MACROH2A1: variants seen among roughly 807,000 people sequenced by gnomAD.
The protein encoded by MACROH2A1 is core histone macro-H2A.1.
In MACROH2A1, 2 loss-of-function variants were observed where a neutral mutation model predicts 31.6. The observed-to-expected ratio is 0.06, with a 90% CI of 0.03 to 0.20. MACROH2A1 has a LOEUF of 0.20. Among genes scored for constraint, MACROH2A1 ranks in the 10% least tolerant of loss-of-function variants. The pLI, the probability that MACROH2A1 is intolerant of heterozygous loss-of-function variation, is 1.00. For synonymous variants in MACROH2A1, 169 were observed against 189.6 expected (o/e 0.89, Z 0.89); for missense variants, 230 against 474.0 (o/e 0.49, Z 4.78).
intron 1 of MACROH2A1, among the ~76,000 whole-genome samples, chr5:135,393,239 A>C (rs180928395): frequency 6.6e-6 from 1 of 152,244 alleles, no homozygotes; most frequent in African/African-American, 2.4e-5. Flanking sequence ...ACCATGGATA[A>C]TAACCTATGA....
At chr5:135,360,371 G>T in intron 5 of MACROH2A1, 126 bp downstream of exon 5, 1 of 671,840 alleles carries the variant, frequency 1.5e-6, no homozygotes, top group Non-Finnish European at 2.6e-6. Context: ...AAAGCTCACA[G>T]CCCACTCTGT....
chr5:135,343,315 G>T lies in MACROH2A1; in HGVS notation c.898C>A (p.Leu300Met), dbSNP rs1206169668. The change falls in exon 8 of 9, where the codon CTG (leucine) becomes ATG (methionine). Residue 300 changes from leucine to methionine, a missense_variant. By Grantham distance (15) the Leu-to-Met change is conservative. This residue lies in a region of MACROH2A1 where 183 missense variants were observed against 319.3 expected (regional missense o/e 0.57). Coordinates refer to ENST00000511689, the MANE Select transcript of MACROH2A1 (RefSeq NM_138610.3). ...LEKTVKNCLA[L>M]ADDKKLKSIA... is the part of the protein sequence containing the mutation. ...GATTTCAGCTTCTTATCATCAGCCA[G>T]GGCCAAGCAGTTTTTCACTGTCTTT... 6.2e-7 allele frequency: 1 copy of T among 1,614,174 alleles called. No individual in the cohort carries two copies. The highest frequency in any genetic ancestry group is 1.3e-5 in the African/African-American group (1 of 75,042).
rs368267936 is a variant in MACROH2A1, at chr5:135,334,912, A to AT, written c.*63dup. ...CCACCTCCCAGTAGGAGTGAAGGGG[A>AT]TTTTTTTTTTCTTTTAAACTGAAGG... On this transcript the variant is annotated 3_prime_UTR_variant, in exon 9 of 9. Coordinates refer to ENST00000511689, the MANE Select transcript of MACROH2A1 (RefSeq NM_138610.3). 7,048 of 1,304,130 alleles carry AT rather than the reference A, an allele frequency of 5.4e-3. 11 individuals carry two copies. The highest frequency in any genetic ancestry group is 0.011 in the East Asian group (424 of 40,278). 80.8% of individuals were successfully genotyped at this position (1,304,130 alleles called of 1,614,324 possible).
intron 4 of MACROH2A1, among the ~76,000 whole-genome samples, chr5:135,366,838 A>G (rs1763564998): frequency 6.6e-6 from 1 of 152,174 alleles, no homozygotes; most frequent in African/African-American, 2.4e-5. Flanking sequence ...GGACCTGATC[A>G]TTTTATAGAT....
At chr5:135,383,274 T>A (rs540226407) in intron 2 of MACROH2A1, among the ~76,000 whole-genome samples, 2 of 152,356 alleles carry the variant, frequency 1.3e-5, no homozygotes, top group Admixed American at 1.3e-4. Flanking sequence ...ACAATTTGCT[T>A]TGTAAGAGTA....
At chr5:135,371,285 GT>G (rs1749373314) in intron 2 of MACROH2A1, among the ~76,000 whole-genome samples, 1 of 152,190 alleles carries the variant, frequency 6.6e-6, no homozygotes, top group African/African-American at 2.4e-5. Context: ...GTGCAGAATA[GT>G]AACTATAGTT....
Position 135,334,752 on chromosome 5 carries a change from G to A in MACROH2A1, c.*224C>T, listed in dbSNP as rs1758383078. 1 of 497,822 alleles carries A rather than the reference G, an allele frequency of 2.0e-6. No homozygotes were observed. Among genetic ancestry groups the A allele is most frequent in the Non-Finnish European group, 3.6e-6 (1 of 278,682 alleles). The allele number at this position is 497,822 out of a possible 1,614,324, so 30.8% of individuals were successfully genotyped here. On this transcript the variant is annotated 3_prime_UTR_variant, in exon 9 of 9. Transcript: ENST00000511689. Reference sequence around the variant, plus strand: ...GGTTACACTAAGTCAGACACGGTCTGGAACACAGTGCTTAACAACAGTAAT... The same window carrying A: ...GGTTACACTAAGTCAGACACGGTCTAGAACACAGTGCTTAACAACAGTAAT...
In MACROH2A1 at chr5:135,343,485, G is replaced by A. The variant is rs754937609; in HGVS notation, c.779-51C>T. 4 of 1,603,150 alleles carry A rather than the reference G, an allele frequency of 2.5e-6. No homozygotes were observed. In the South Asian group the frequency reaches 4.4e-5, roughly 18 times the overall value. ...ACAGTGAGCTCTGGTTCACTGCAAA[G>A]CACAAGATGCCAAACACAGACCCAC... On this transcript the variant is annotated intron_variant, in intron 7 of 8. Coordinates refer to ENST00000511689, the MANE Select transcript of MACROH2A1 (RefSeq NM_138610.3).
At chr5:135,390,423 G>C (rs1767059380) in intron 1 of MACROH2A1, among the ~76,000 whole-genome samples, 1 of 152,236 alleles carries the variant, frequency 6.6e-6, no homozygotes, top group South Asian at 2.1e-4. Context: ...CAGGTATTAT[G>C]CTGGGCAGAT....
chr5:135,338,014 G>A (rs752515199), intron 8 of MACROH2A1: 1 of 1,175,414 alleles, frequency 8.5e-7, no homozygotes, highest in Non-Finnish European at 1.1e-6. Context: ...AATGGCGGAG[G>A]TAACGGCTTT....
intron 4 of MACROH2A1, chr5:135,361,029 A>G (rs943409432): frequency 8.1e-5 from 27 of 333,830 alleles, no homozygotes; most frequent in African/African-American, 5.7e-4. Flanking sequence ...ACTAAGGACT[A>G]TAACCCTCTA....
At chr5:135,387,378 CT>C (rs1171740822) in intron 2 of MACROH2A1, among the ~76,000 whole-genome samples, 1 of 152,224 alleles carries the variant, frequency 6.6e-6, no homozygotes, top group African/African-American at 2.4e-5. Context: ...AACACAAAAA[CT>C]TTACCTTCCT....
chr5:135,359,311 G>C, intron 5 of MACROH2A1: 1 of 985,234 alleles, frequency 1.0e-6, no homozygotes. Flanking sequence ...ATTACCCAAG[G>C]AATATGTTAC....
At chr5:135,381,280 G>T (rs575040043) in intron 2 of MACROH2A1, among the ~76,000 whole-genome samples, 1 of 152,130 alleles carries the variant, frequency 6.6e-6, no homozygotes, top group Non-Finnish European at 1.5e-5. Context: ...AAAGCATGAA[G>T]AGAAGTCTTT....
chr5:135,358,944 C>T, intron 5 of MACROH2A1: 1 of 985,380 alleles, frequency 1.0e-6, no homozygotes, highest in Non-Finnish European at 1.2e-6. Flanking sequence ...GTGGTGTTTG[C>T]CCCCTCCCCT....
At chr5:135,337,135 G>A (rs1309341667) in intron 8 of MACROH2A1, among the ~76,000 whole-genome samples, 1 of 152,252 alleles carries the variant, frequency 6.6e-6, no homozygotes, top group Non-Finnish European at 1.5e-5. Flanking sequence ...GCCTGTCTCA[G>A]CCTCACACGT....
At chr5:135,370,441 C>T (rs1216609383) in intron 2 of MACROH2A1, among the ~76,000 whole-genome samples, 1 of 152,194 alleles carries the variant, frequency 6.6e-6, no homozygotes, top group Non-Finnish European at 1.5e-5. Context: ...AACCCAGTTC[C>T]AGCTCTCATT....
intron 2 of MACROH2A1, among the ~76,000 whole-genome samples, chr5:135,374,984 T>C (rs758264523): frequency 6.6e-6 from 1 of 152,196 alleles, no homozygotes; most frequent in Non-Finnish European, 1.5e-5. Flanking sequence ...CAATGACCAA[T>C]ACTAGACTGA....
At chr5:135,343,102 C>A in intron 8 of MACROH2A1, 158 bp downstream of exon 8, 1 of 1,519,688 alleles carries the variant, frequency 6.6e-7, no homozygotes, top group Non-Finnish European at 8.9e-7. Flanking sequence ...CCCTCACCAT[C>A]ATTTAATGTC....
Sources: gnomAD v4.1 joint callset for allele counts (sites outside exome capture counted in the v4.1 genomes callset) on GRCh38, gnomAD v4.1.1 for gene constraint, gnomAD v4.1.1 regional missense constraint, MANE v1.5 for transcripts, NCBI Gene and HGNC (gene_info 2026-07-23, HGNC 2026-07-21) for gene names.